Variants in DISP3 observed in about 807,000 individuals in gnomAD.
The protein encoded by DISP3 is dispatched RND transporter family member 3.
A neutral mutation model predicts 135.3 loss-of-function variants in DISP3; 101 were observed. The ratio of observed to expected loss-of-function variants is 0.75; its 90% CI spans 0.64 to 0.88. The LOEUF is 0.88. Among genes scored for constraint, DISP3 ranks in the 40% least tolerant of loss-of-function variants. The pLI is 0.00. For missense variants in DISP3, 1,713 were observed against 1,878.6 expected (o/e 0.91, Z 1.63); for synonymous variants, 856 against 817.0 (o/e 1.05, Z -0.81).
In DISP3 at chr1:11,535,292, G is replaced by T. The variant is rs141070005; in HGVS notation, c.3649+168G>T. Among the ~76,000 whole-genome samples, 547 of 152,288 alleles carry T rather than the reference G, an allele frequency of 3.6e-3. 1 individual carries two copies. The highest frequency in any genetic ancestry group is 6.8e-3 in the Non-Finnish European group (460 of 67,998). Reference sequence around the variant, plus strand: ...TGTCTGTGCTCCTGAGCAGAGCCGGGGTACCCAGGTAGTAGCCCTCAGCTC... The same window carrying T: ...TGTCTGTGCTCCTGAGCAGAGCCGGTGTACCCAGGTAGTAGCCCTCAGCTC... On this transcript the variant is annotated intron_variant, in intron 19 of 20. Coordinates refer to ENST00000294484, the MANE Select transcript of DISP3 (RefSeq NM_020780.2).
Position 11,532,164 on chromosome 1 carries a change from T to C in DISP3, c.3375+454T>C, listed in dbSNP as rs368551962. Among the ~76,000 whole-genome samples, 36 of 152,350 alleles carry C rather than the reference T, an allele frequency of 2.4e-4. No homozygotes were observed. The East Asian group carries it at 4.4e-3, about 19-fold the overall frequency. On this transcript the variant is annotated intron_variant, in intron 17 of 20. Transcript: ENST00000294484. ...TCACCTCTGGACGCTCGCTGGGCTCTGCCCAAGGAGGCATAGGCACACATG... is the reference window on the plus strand; with the variant it reads ...TCACCTCTGGACGCTCGCTGGGCTCCGCCCAAGGAGGCATAGGCACACATG...
At chr1:11,488,102 C>T (rs762968003) in intron 1 of DISP3, among the ~76,000 whole-genome samples, 4 of 152,140 alleles carry the variant, frequency 2.6e-5, no homozygotes, top group Non-Finnish European at 5.9e-5. Context: ...CAGGTAGCTT[C>T]GCTGGGTCTC....
chr1:11,532,190 T>G (rs1642592835), intron 17 of DISP3, among the ~76,000 whole-genome samples: 2 of 152,178 alleles, frequency 1.3e-5, no homozygotes, highest in African/African-American at 2.4e-5. Flanking sequence ...GGCACACATG[T>G]GTGCACATAC....
intron 17 of DISP3, among the ~76,000 whole-genome samples, chr1:11,533,317 G>T (rs1223958282): frequency 7.1e-6 from 1 of 141,836 alleles, no homozygotes; most frequent in East Asian, 2.1e-4. Context: ...GTGCAGTTGC[G>T]CAATCTTGGC....
Position 11,491,845 on chromosome 1 carries a change from G to A in DISP3, c.-3-9145G>A, listed in dbSNP as rs940756109. 5.3e-5 allele frequency among the ~76,000 whole-genome samples: 8 copies of A among 152,086 alleles called. No homozygotes were observed. The highest frequency in any genetic ancestry group is 2.0e-4 in the Admixed American group (3 of 15,282). On this transcript the variant is annotated intron_variant, in intron 1 of 20. Coordinates refer to ENST00000294484, the MANE Select transcript of DISP3 (RefSeq NM_020780.2). This position sits in a 1 kb window ranked among gnomAD's most constrained non-coding sequence, Gnocchi z 4.3. ...CTGGCTAAGAAGTTAATAATTGGCCGGGCGCGGTGGCTCACGCCTGTAATC... is the reference window on the plus strand; with the variant it reads ...CTGGCTAAGAAGTTAATAATTGGCCAGGCGCGGTGGCTCACGCCTGTAATC...
intron 1 of DISP3, among the ~76,000 whole-genome samples, chr1:11,490,738 CAG>C (rs1470619010): frequency 6.6e-6 from 1 of 152,100 alleles, no homozygotes; most frequent in Non-Finnish European, 1.5e-5. Flanking sequence ...CTTTTGGCAT[CAG>C]GGCACGGTGG....
rs775248733 is a variant in DISP3 at position 11,536,387 on chromosome 1, G to A, written c.3880G>A (p.Val1294Ile). 34 of 1,610,784 alleles carry A rather than the reference G, an allele frequency of 2.1e-5. 1 individual carries two copies. The South Asian group carries it at 2.5e-4, about 12-fold the overall frequency. ...CGTGCGGCACGTGGGCGTGGCCATCGTCTCCAGTGCCCTCACCACGGTCAT... is the reference window on the plus strand; with the variant it reads ...CGTGCGGCACGTGGGCGTGGCCATCATCTCCAGTGCCCTCACCACGGTCAT... ...EAVRHVGVAI[V>I]SSALTTVIAT... The change falls in exon 21 of 21, where the codon GTC (valine) becomes ATC (isoleucine). Residue 1294 changes from valine to isoleucine, a missense_variant. This residue lies in a region of DISP3 where 1,142 missense variants were observed against 1,384.6 expected (regional missense o/e 0.82). Coordinates refer to ENST00000294484, the MANE Select transcript of DISP3 (RefSeq NM_020780.2). The surrounding 1 kb of genome is among the most constrained non-coding windows in gnomAD (Gnocchi z 4.3).
At chr1:11,509,989 T>C (rs1323506722) in intron 3 of DISP3, among the ~76,000 whole-genome samples, 5 of 152,038 alleles carry the variant, frequency 3.3e-5, no homozygotes, top group South Asian at 2.1e-4. Flanking sequence ...GTCCAAGCTA[T>C]TGGGGAGGCT....
In DISP3 at chr1:11,501,035, GAGGAGGAGC is replaced by G. The variant is rs559089505; in HGVS notation, c.52_60del (p.Gln18_Glu20del). On this transcript the variant is annotated inframe_deletion, in exon 2 of 21. Transcript: ENST00000294484. The surrounding 1 kb of genome is among the most constrained non-coding windows in gnomAD (Gnocchi z 4.9). ...CCCCTTGCTGCAGGATGTGTGGCTA[GAGGAGGAGC>G]AGGAGGAGGAAGAAGCAACGGGTGA... 99 of 1,614,168 alleles carry G rather than the reference GAGGAGGAGC, an allele frequency of 6.1e-5. 1 individual carries two copies. The East Asian group carries it at 8.9e-4, about 15-fold the overall frequency.
intron 7 of DISP3, among the ~76,000 whole-genome samples, chr1:11,518,526 G>T (rs950706962): frequency 2.6e-5 from 4 of 152,192 alleles, no homozygotes; most frequent in African/African-American, 9.7e-5. Flanking sequence ...TGGGGAAAGG[G>T]CGCCTTTTCT....
Position 11,529,721 on chromosome 1 carries a change from G to A in DISP3, c.2929+35G>A. 1 of 1,600,458 alleles carries A rather than the reference G, an allele frequency of 6.2e-7. No homozygotes were observed. The highest frequency in any genetic ancestry group is 8.5e-7 in the Non-Finnish European group (1 of 1,169,780). ...GGGCACACAGGTGGGGACCTCAAGAGCTGAGACCTCGGGGCTCAGGAGCTG... is the reference window on the plus strand; with the variant it reads ...GGGCACACAGGTGGGGACCTCAAGAACTGAGACCTCGGGGCTCAGGAGCTG... On this transcript the variant is annotated intron_variant, in intron 14 of 20. Coordinates refer to ENST00000294484, the MANE Select transcript of DISP3 (RefSeq NM_020780.2). This position sits in a 1 kb window ranked among gnomAD's most constrained non-coding sequence, Gnocchi z 4.7.
rs750786077 is a variant in DISP3 at position 11,529,862 on chromosome 1, G to A, written c.3005G>A (p.Arg1002Gln). The change falls in exon 15 of 21, where the codon CGG becomes CAG. Residue 1002 changes from arginine to glutamine, a missense_variant. Transcript: ENST00000294484. This position sits in a 1 kb window ranked among gnomAD's most constrained non-coding sequence, Gnocchi z 4.7. Reference sequence around the variant, plus strand: ...ACGGGCTGCGGGAAGCCGGCGGTGCGGCCACTAGTGGATACCGGGGCCATG... The same window carrying A: ...ACGGGCTGCGGGAAGCCGGCGGTGCAGCCACTAGTGGATACCGGGGCCATG... ...VNTGCGKPAV[R>Q]PLVDTGAMVF... 9 of 1,613,896 alleles carry A rather than the reference G, an allele frequency of 5.6e-6. No homozygotes were observed. Among genetic ancestry groups the A allele is most frequent in the South Asian group, 1.1e-5 (1 of 91,084 alleles).
In DISP3 at chr1:11,536,205, G is replaced by A. The variant is rs557851594; in HGVS notation, c.3817-119G>A. The A allele has an allele frequency of 1.6e-5, 22 of 1,411,736 alleles. No individual in the cohort carries two copies. The East Asian group carries it at 5.5e-4, about 35-fold the overall frequency. The allele number at this position is 1,411,736 out of a possible 1,614,324, so 87.5% of individuals were successfully genotyped here. Reference sequence around the variant, plus strand: ...TCCCAACCCTGGGAGGCCACTTGCAGCTCTCATCCCAGTAACAGAGCAGGA... The same window carrying A: ...TCCCAACCCTGGGAGGCCACTTGCAACTCTCATCCCAGTAACAGAGCAGGA... On this transcript the variant is annotated intron_variant, in intron 20 of 20. Coordinates refer to ENST00000294484, the MANE Select transcript of DISP3 (RefSeq NM_020780.2). This position sits in a 1 kb window ranked among gnomAD's most constrained non-coding sequence, Gnocchi z 4.3.
rs12144924 is a variant in DISP3 at position 11,501,880 on chromosome 1, C to T, written c.888C>T (p.Val296=). The change falls in exon 2 of 21, where the codon GTC becomes GTT. Residue 296 remains valine (V), a synonymous_variant. Coordinates refer to ENST00000294484, the MANE Select transcript of DISP3 (RefSeq NM_020780.2). The surrounding 1 kb of genome is among the most constrained non-coding windows in gnomAD (Gnocchi z 4.9). ...ERNIFTSERL[V]TIHEIERKIM... is the part of the protein sequence containing the mutation. The stretch of plus-strand genomic sequence containing the variant: ...ACATTTTCACCAGTGAGCGCCTGGT[C>T]ACGATCCATGAGATCGAGCGCAAGA... 0.09 allele frequency: 145,793 copies of T among 1,612,950 alleles called. 10,381 individuals are homozygous for T. The highest frequency in any genetic ancestry group is 0.35 in the African/African-American group (25,894 of 74,994).
At position 11,491,938 on chromosome 1, in the gene DISP3, C is replaced by T. The variant is rs1460750783; in HGVS notation, c.-3-9052C>T. Among the ~76,000 whole-genome samples the T allele has an allele frequency of 1.3e-5, 2 of 151,168 alleles. No individual in the cohort carries two copies. The highest frequency in any genetic ancestry group is 2.4e-5 in the African/African-American group (1 of 41,126). On this transcript the variant is annotated intron_variant, in intron 1 of 20. Transcript: ENST00000294484. This position sits in a 1 kb window ranked among gnomAD's most constrained non-coding sequence, Gnocchi z 4.3. ...GAGATCGAGACCATCCCGGCTAAAA[C>T]GGTGAAACCCCGTCTCTACTAAAAA...
At chr1:11,521,260 G>A (rs1204822787) in intron 10 of DISP3, among the ~76,000 whole-genome samples, 9 of 148,208 alleles carry the variant, frequency 6.1e-5, no homozygotes, top group African/African-American at 2.3e-4. Context: ...GGGGAGAGGA[G>A]GAAAGAAGAG....
intron 17 of DISP3, chr1:11,533,677 GCT>G: frequency 1.5e-6 from 1 of 669,078 alleles, no homozygotes; most frequent in East Asian, 2.7e-5. Context: ...CCCCACTCAG[GCT>G]CACCACACGG....
intron 1 of DISP3, among the ~76,000 whole-genome samples, chr1:11,496,230 T>C (rs960893917): frequency 6.6e-6 from 1 of 152,180 alleles, no homozygotes; most frequent in African/African-American, 2.4e-5. Flanking sequence ...GCCTGTTCTC[T>C]TTTAAGCAGC....
chr1:11,531,528 G>C lies in DISP3; in HGVS notation c.3230-37G>C. 3 of 1,612,818 alleles carry C rather than the reference G, an allele frequency of 1.9e-6. No homozygotes were observed. The highest frequency in any genetic ancestry group is 2.5e-6 in the Non-Finnish European group (3 of 1,179,764). On this transcript the variant is annotated intron_variant, in intron 16 of 20. Transcript: ENST00000294484. This position sits in a 1 kb window ranked among gnomAD's most constrained non-coding sequence, Gnocchi z 5.2. ...GATGCAGGGGGACAGGCTCTTCCAG[G>C]GCCACCACGCACTCCCTTTCTTGCC...
Sources: allele counts gnomAD v4.1 joint callset (sites outside exome capture counted in the v4.1 genomes callset), GRCh38; gene constraint gnomAD v4.1.1; regional missense constraint gnomAD v4.1.1; non-coding constraint Gnocchi (gnomAD v3.1); transcripts MANE v1.5; gene names NCBI Gene and HGNC (gene_info 2026-07-23, HGNC 2026-07-21).